SNX29: variants seen among roughly 807,000 people sequenced by gnomAD.
SNX29 encodes the protein sorting nexin-29.
In SNX29, 78 loss-of-function variants were observed where a neutral mutation model predicts 102.1. That is an observed-to-expected ratio of 0.76 (90% CI 0.64 to 0.92). The LOEUF (loss-of-function observed/expected upper bound fraction) is 0.92, where lower values mean the gene tolerates loss of function less well. Among genes scored for constraint, SNX29 ranks in the 40% least tolerant of loss-of-function variants. The pLI, the probability that SNX29 is intolerant of heterozygous loss-of-function variation, is 0.00. For missense variants in SNX29, 1,280 were observed against 1,061.7 expected (o/e 1.21, Z -2.86); for synonymous variants, 580 against 414.5 (o/e 1.40, Z -4.85).
At chr16:12,163,829 A>T (rs1425400476) in intron 13 of SNX29, among the ~76,000 whole-genome samples, 1 of 152,038 alleles carries the variant, frequency 6.6e-6, no homozygotes, top group Non-Finnish European at 1.5e-5. Flanking sequence ...GGCTTGCTCG[A>T]TGGTGGTACT....
At chr16:12,317,356 T>C (rs1404639309) in intron 15 of SNX29, among the ~76,000 whole-genome samples, 1 of 152,214 alleles carries the variant, frequency 6.6e-6, no homozygotes, top group Non-Finnish European at 1.5e-5. Context: ...CTGTGTGTCC[T>C]TCTCTGTCTT....
chr16:12,207,994 A>T (rs1419350205), intron 14 of SNX29, among the ~76,000 whole-genome samples: 3 of 152,204 alleles, frequency 2.0e-5, no homozygotes, highest in African/African-American at 7.2e-5. Context: ...ACTGGGGTCC[A>T]TCCAAGTGAC....
intron 11 of SNX29, among the ~76,000 whole-genome samples, chr16:12,107,121 C>T (rs2053287244): frequency 6.6e-6 from 1 of 152,182 alleles, no homozygotes; most frequent in Admixed American, 6.5e-5. Context: ...CATGGCCCTG[C>T]ATCACTTCCT....
intron 20 of SNX29, among the ~76,000 whole-genome samples, chr16:12,556,818 C>G (rs189307670): frequency 6.6e-6 from 1 of 151,914 alleles, no homozygotes; most frequent in African/African-American, 2.4e-5. Context: ...AGTACAGAAG[C>G]CCAGAGGAGG....
At chr16:12,214,099 G>A (rs2077259981) in intron 14 of SNX29, among the ~76,000 whole-genome samples, 1 of 151,726 alleles carries the variant, frequency 6.6e-6, no homozygotes, top group African/African-American at 2.4e-5. Flanking sequence ...CTCCATTAAG[G>A]GGTAACGTTT....
At chr16:12,027,677 C>G (rs1326862930) in intron 4 of SNX29, 4 of 406,748 alleles carry the variant, frequency 9.8e-6, no homozygotes, top group African/African-American at 6.2e-5. Context: ...ATGGTACAGT[C>G]TCCTCTGGGT....
intron 13 of SNX29, among the ~76,000 whole-genome samples, chr16:12,130,857 A>G (rs1328869367): frequency 6.6e-6 from 1 of 151,568 alleles, no homozygotes. Context: ...AGCTCCTGAC[A>G]TTTCCTTGTC....
chr16:12,043,491 A>T (rs1349599299), intron 5 of SNX29, among the ~76,000 whole-genome samples: 1 of 151,728 alleles, frequency 6.6e-6, no homozygotes, highest in Non-Finnish European at 1.5e-5. Flanking sequence ...AGCAGCTAGG[A>T]CCCTAAGCGT....
chr16:12,347,559 T>C (rs944214352), intron 15 of SNX29, among the ~76,000 whole-genome samples: 1 of 152,128 alleles, frequency 6.6e-6, no homozygotes, highest in African/African-American at 2.4e-5. Context: ...GCCTCAGTTT[T>C]CCTTATCTGT....
intron 19 of SNX29, among the ~76,000 whole-genome samples, chr16:12,520,476 G>T (rs1447409104): frequency 6.6e-6 from 1 of 152,194 alleles, no homozygotes. Context: ...TCACCTTTCT[G>T]AAATTCAGTG....
At chr16:12,356,057 C>T in intron 15 of SNX29, 106 bp from the exon 16 acceptor site, 1 of 967,648 alleles carries the variant, frequency 1.0e-6, no homozygotes. Context: ...CAACAGCCTA[C>T]AGATGTTTTG....
chr16:12,449,046 A>C (rs1386275916), intron 18 of SNX29, among the ~76,000 whole-genome samples: 1 of 152,048 alleles, frequency 6.6e-6, no homozygotes, highest in Non-Finnish European at 1.5e-5. Flanking sequence ...TACGCAACCT[A>C]ATTTCTGCTG....
At chr16:12,092,486 A>C (rs1207960629) in intron 11 of SNX29, among the ~76,000 whole-genome samples, 1 of 152,076 alleles carries the variant, frequency 6.6e-6, no homozygotes, top group African/African-American at 2.4e-5. Flanking sequence ...AAGGGAGTGG[A>C]TTTTCACCTT....
intron 13 of SNX29, among the ~76,000 whole-genome samples, chr16:12,195,180 C>T (rs1037261969): frequency 2.6e-5 from 4 of 152,102 alleles, no homozygotes; most frequent in East Asian, 1.9e-4. Context: ...TGTGTATATA[C>T]GTAATATTCA....
intron 14 of SNX29, among the ~76,000 whole-genome samples, chr16:12,253,213 A>G (rs951244741): frequency 2.6e-5 from 4 of 152,194 alleles, no homozygotes; most frequent in African/African-American, 4.8e-5. Context: ...GTTGGTGACC[A>G]TGCATTCGCC....
chr16:12,040,519 C>T (rs369891926), intron 4 of SNX29, among the ~76,000 whole-genome samples: 47 of 152,318 alleles, frequency 3.1e-4, no homozygotes, highest in African/African-American at 8.2e-4. Context: ...TTTCCCATAA[C>T]GCCTTAAATC....
At chr16:12,470,303 C>T (rs909303310) in intron 18 of SNX29, among the ~76,000 whole-genome samples, 2 of 152,222 alleles carry the variant, frequency 1.3e-5, no homozygotes, top group African/African-American at 4.8e-5. Context: ...GTTGGTTCCA[C>T]GTTCGCTGTG....
rs137921092 is a variant in SNX29, at chr16:12,245,776, C to T, written c.1679-32157C>T. Among the ~76,000 whole-genome samples, 378 of 152,102 alleles carry T rather than the reference C, an allele frequency of 2.5e-3. 5 individuals are homozygous for T. The highest frequency in any genetic ancestry group is 8.3e-3 in the African/African-American group (346 of 41,502). On this transcript the variant is annotated intron_variant, in intron 14 of 20. Coordinates refer to ENST00000566228, the MANE Select transcript of SNX29 (RefSeq NM_032167.5). ...CACACTTGTGTTGGCAGCTCTGGGG[C>T]AGGCAGCTTTGTGGTTGATGGTGAG... is the stretch of plus-strand genomic sequence containing the variant.
chr16:12,552,172 C>T (rs1451313605), intron 20 of SNX29, among the ~76,000 whole-genome samples: 3 of 152,178 alleles, frequency 2.0e-5, no homozygotes, highest in Non-Finnish European at 4.4e-5. Flanking sequence ...ACTAATCCTG[C>T]AGAAAGGGAA....
Sources: gnomAD v4.1 joint callset for allele counts (sites outside exome capture counted in the v4.1 genomes callset) on GRCh38, gnomAD v4.1.1 for gene constraint, MANE v1.5 for transcripts, NCBI Gene and HGNC (gene_info 2026-07-23, HGNC 2026-07-21) for gene names.